UBE2V2: variants seen among roughly 807,000 people sequenced by gnomAD.
The protein encoded by UBE2V2 is ubiquitin-conjugating enzyme E2 variant 2.
UBE2V2 carries 9 observed loss-of-function variants against 17.2 expected under a neutral mutation model. The observed-to-expected ratio is 0.52, with a 90% confidence interval of 0.32 to 0.91. UBE2V2 has a LOEUF of 0.91. Among genes scored for constraint, UBE2V2 ranks in the 40% least tolerant of loss-of-function variants. The pLI is 0.04. For missense variants in UBE2V2, 133 were observed against 182.6 expected, an observed-to-expected ratio of 0.73 and a Z score of 1.56; for synonymous variants, 61 against 57.5, an observed-to-expected ratio of 1.06 and a Z score of -0.28.
In UBE2V2 at chr8:48,045,104, A is replaced by T. The variant is rs533305038; in HGVS notation, c.165+1923A>T. On this transcript the variant is annotated intron_variant, in intron 2 of 3. Transcript: ENST00000523111. Reference sequence around the variant, plus strand: ...CTGCAACTCTCTCCCCTCTCAGGGCACACAGACAAAATGCTACTGTGGTCC... The same window carrying T: ...CTGCAACTCTCTCCCCTCTCAGGGCTCACAGACAAAATGCTACTGTGGTCC... Among the ~76,000 whole-genome samples, 51 of 152,268 alleles carry T rather than the reference A, an allele frequency of 3.3e-4. 1 individual carries two copies. In the South Asian group the frequency reaches 1.0e-2, roughly 30 times the overall value.
the UBE2V2 span, among the ~76,000 whole-genome samples, chr8:48,002,621 A>G: frequency 6.7e-6 from 1 of 150,240 alleles, no homozygotes; most frequent in African/African-American, 2.4e-5. Context: ...AACTGAGAGG[A>G]GAGGAGAAGG....
chr8:48,037,130 G>A (rs1447006947), intron 1 of UBE2V2, among the ~76,000 whole-genome samples: 2 of 152,258 alleles, frequency 1.3e-5, no homozygotes. Context: ...AGTGAGCCGA[G>A]ATCGTGCCAT....
At chr8:47,997,921 C>G in the UBE2V2 span, among the ~76,000 whole-genome samples, 1 of 151,746 alleles carries the variant, frequency 6.6e-6, no homozygotes, top group Non-Finnish European at 1.5e-5. Context: ...GCGAAGTCAT[C>G]GGCTGGGGCT....
chr8:48,009,759 G>A (rs1563846827), intron 1 of UBE2V2, among the ~76,000 whole-genome samples: 1 of 152,164 alleles, frequency 6.6e-6, no homozygotes. Flanking sequence ...TAATTAAGTG[G>A]TGTCTTTTAC....
chr8:48,009,042 T>G (rs553673570), intron 1 of UBE2V2, among the ~76,000 whole-genome samples: 21 of 152,162 alleles, frequency 1.4e-4, no homozygotes, highest in African/African-American at 4.6e-4. Flanking sequence ...GCAAACAAAA[T>G]AAAAGACCAG....
At chr8:48,004,396 G>A (rs769050694), upstream of UBE2V2, among the ~76,000 whole-genome samples, 9 of 151,994 alleles carry the variant, frequency 5.9e-5, no homozygotes, top group Admixed American at 1.3e-4. Flanking sequence ...ATTTCAGTTA[G>A]GTTATTGTGT....
At chr8:48,008,358 G>A, upstream of UBE2V2, 6 of 1,433,640 alleles carry the variant, frequency 4.2e-6, no homozygotes, top group South Asian at 8.5e-5. Context: ...GCCGGGGGCG[G>A]AGTCCGCTGT....
intron 1 of UBE2V2, among the ~76,000 whole-genome samples, chr8:48,028,597 C>T (rs2091362063): frequency 6.6e-6 from 1 of 152,162 alleles, no homozygotes; most frequent in East Asian, 1.9e-4. Flanking sequence ...CTCGGCCTCC[C>T]AAAGTGCTGG....
At chr8:48,043,361 T>C (rs2091477130) in intron 2 of UBE2V2, 180 bp downstream of exon 2, 3 of 465,904 alleles carry the variant, frequency 6.4e-6, no homozygotes, top group Non-Finnish European at 1.0e-5. Flanking sequence ...ACGTAGAGGA[T>C]TGGGGGGAGG....
intron 1 of UBE2V2, among the ~76,000 whole-genome samples, chr8:48,038,681 A>G (rs2091441100): frequency 6.6e-6 from 1 of 152,010 alleles, no homozygotes; most frequent in Non-Finnish European, 1.5e-5. Context: ...GGGTTTCACC[A>G]TGTTGGCCAG....
At chr8:48,029,379 C>T (rs949615490) in intron 1 of UBE2V2, among the ~76,000 whole-genome samples, 3 of 152,012 alleles carry the variant, frequency 2.0e-5, no homozygotes, top group African/African-American at 7.2e-5. Context: ...AGGATATGGT[C>T]AGAAACTAAA....
At chr8:48,051,291 A>C (rs2091535195) in intron 3 of UBE2V2, among the ~76,000 whole-genome samples, 1 of 152,220 alleles carries the variant, frequency 6.6e-6, no homozygotes, top group Non-Finnish European at 1.5e-5. Context: ...TGTTGAGAGC[A>C]CGCCACATAC....
chr8:48,057,382 A>G (rs1388098071), intron 3 of UBE2V2, among the ~76,000 whole-genome samples: 1 of 151,984 alleles, frequency 6.6e-6, no homozygotes, highest in African/African-American at 2.4e-5. Flanking sequence ...GTTCACTGCA[A>G]CCTCTGCCTC....
the UBE2V2 span, among the ~76,000 whole-genome samples, chr8:47,999,878 C>A: frequency 6.6e-6 from 1 of 152,154 alleles, no homozygotes; most frequent in Admixed American, 6.6e-5. Context: ...GCTGACAACT[C>A]TAAGGGGGTC....
At chr8:48,008,234 T>C (rs2091198445), upstream of UBE2V2, among the ~76,000 whole-genome samples, 1 of 152,142 alleles carries the variant, frequency 6.6e-6, no homozygotes, top group Admixed American at 6.5e-5. Context: ...CATGAACTTA[T>C]TCTTTAGCGT....
chr8:48,051,757 G>C (rs989940793), intron 3 of UBE2V2, among the ~76,000 whole-genome samples: 8 of 152,284 alleles, frequency 5.3e-5, no homozygotes, highest in Admixed American at 5.2e-4. Context: ...CTGAGGCGGG[G>C]CCCCAGATTG....
At chr8:48,011,505 A>G (rs1371049942) in intron 1 of UBE2V2, among the ~76,000 whole-genome samples, 1 of 152,166 alleles carries the variant, frequency 6.6e-6, no homozygotes, top group Non-Finnish European at 1.5e-5. Flanking sequence ...ATTTAAGCCA[A>G]AGTATCTCGA....
intron 1 of UBE2V2, among the ~76,000 whole-genome samples, chr8:48,010,867 T>G (rs551154027): frequency 2.0e-5 from 3 of 150,312 alleles, no homozygotes; most frequent in Non-Finnish European, 4.4e-5. Context: ...CCAGCAAATT[T>G]TTTTGTATAT....
chr8:48,031,991 T>C (rs1055029304), intron 1 of UBE2V2, among the ~76,000 whole-genome samples: 9 of 152,204 alleles, frequency 5.9e-5, no homozygotes, highest in Non-Finnish European at 1.2e-4. Flanking sequence ...CTAAAACACA[T>C]TGAAATATCC....
Sources: allele counts gnomAD v4.1 joint callset (sites outside exome capture counted in the v4.1 genomes callset), GRCh38; gene constraint gnomAD v4.1.1; transcripts MANE v1.5; gene names NCBI Gene and HGNC (gene_info 2026-07-23, HGNC 2026-07-21).